ROBO3: variants seen among roughly 807,000 people sequenced by gnomAD.
The protein encoded by ROBO3 is roundabout guidance receptor 3.
ROBO3 carries 97 observed loss-of-function variants against 160.5 expected under a neutral mutation model. The observed-to-expected ratio is 0.60, with a 90% confidence interval of 0.51 to 0.72. The LOEUF (loss-of-function observed/expected upper bound fraction) is 0.72, where lower values mean the gene tolerates loss of function less well. ROBO3 is among the 30% of genes least tolerant of loss of function. The pLI, the probability that ROBO3 is intolerant of heterozygous loss-of-function variation, is 0.00. For synonymous variants in ROBO3, 780 were observed against 746.2 expected, an observed-to-expected ratio of 1.05 and a Z score of -0.74; for missense variants, 1,858 against 1,846.5, an observed-to-expected ratio of 1.01 and a Z score of -0.11.
Position 124,877,524 on chromosome 11 carries a change from C to T in ROBO3, c.2852C>T (p.Pro951Leu). The change falls in exon 20 of 28, where the codon CCC becomes CTC. Residue 951 changes from proline to leucine, a missense_variant. Transcript: ENST00000397801. The stretch of plus-strand genomic sequence containing the variant: ...GCTCACCTGCTCTCCCTCAGGCCAC[C>T]CATGGGCCTTGGCCCCGCCCCCTAC... ...EGLSGASSRP[P>L]MGLGPAPYSW... 1 of 1,601,518 alleles carries T rather than the reference C, an allele frequency of 6.2e-7. No homozygotes were observed. Among genetic ancestry groups the T allele is most frequent in the South Asian group, 1.1e-5 (1 of 88,830 alleles).
At chr11:124,868,304 C>T (rs1196775277) in intron 1 of ROBO3, among the ~76,000 whole-genome samples, 1 of 152,192 alleles carries the variant, frequency 6.6e-6, no homozygotes, top group Non-Finnish European at 1.5e-5. Context: ...GGATCCCAAG[C>T]CAGTCCACAT....
At position 124,869,615 on chromosome 11, in the gene ROBO3, C is replaced by T. The variant is rs775725834; in HGVS notation, c.645+8C>T. On this transcript the variant is annotated splice_region_variant and intron_variant, in intron 3 of 27. Transcript: ENST00000397801. The surrounding 1 kb of genome is among the most constrained non-coding windows in gnomAD (Gnocchi z 4.2). ...GAGGAAGGAAGGATCACGGTGAGGG[C>T]GGGATTATGATTGGAGACCCCAACA... 3.9e-6 allele frequency: 6 copies of T among 1,558,134 alleles called. No individual in the cohort carries two copies. The African/African-American group carries it at 5.4e-5, about 14-fold the overall frequency.
chr11:124,880,599 A>C lies in ROBO3; in HGVS notation c.4140A>C (p.Lys1380Asn). 1 of 1,545,752 alleles carries C rather than the reference A, an allele frequency of 6.5e-7. No homozygotes were observed. The highest frequency in any genetic ancestry group is 1.2e-5 in the South Asian group (1 of 83,802). The stretch of plus-strand genomic sequence containing the variant: ...GCCAGAGCCAAAGGCCAGGACAGAA[A>C]CGCCGAGAGGTAGGGGCCATAGATT... ...SRSQSQRPGQ[K>N]RREEPR The change falls in exon 27 of 28, where the codon AAA becomes AAC. Residue 1380 changes from lysine to asparagine, a missense_variant. Coordinates refer to ENST00000397801, the MANE Select transcript of ROBO3 (RefSeq NM_022370.4).
chr11:124,874,950 T>C (rs199822179), intron 13 of ROBO3, 41 bp downstream of exon 13: 46 of 1,588,950 alleles, frequency 2.9e-5, no homozygotes, highest in Non-Finnish European at 3.8e-5. Flanking sequence ...TGGGGATGAT[T>C]ATGAGGCACA....
chr11:124,871,580 A>G (rs1946280532), intron 7 of ROBO3, among the ~76,000 whole-genome samples: 1 of 152,246 alleles, frequency 6.6e-6, no homozygotes, highest in African/African-American at 2.4e-5. Flanking sequence ...GGACTTTCAC[A>G]AAGGAGAGCT....
Position 124,877,506 on chromosome 11 carries a change from T to A in ROBO3, c.2847-13T>A. 1.9e-6 allele frequency: 3 copies of A among 1,600,916 alleles called. No homozygotes were observed. Among genetic ancestry groups the A allele is most frequent in the Non-Finnish European group, 2.6e-6 (3 of 1,174,010 alleles). On this transcript the variant is annotated splice_polypyrimidine_tract_variant and intron_variant, in intron 19 of 27. Transcript: ENST00000397801. ...AGGCTCTCCGTCCCCAACGCTCACC[T>A]GCTCTCCCTCAGGCCACCCATGGGC...
intron 7 of ROBO3, 121 bp downstream of exon 7, chr11:124,871,259 C>A (rs1283286524): frequency 8.2e-7 from 1 of 1,217,944 alleles, no homozygotes; most frequent in Non-Finnish European, 1.1e-6. Context: ...CCCCCAGAAA[C>A]CCTTGCAGGT....
chr11:124,865,752 C>G lies in ROBO3; in HGVS notation c.160+15C>G, dbSNP rs542446749. ...CTCTCTCAACGGTGAGACCCTGCCT[C>G]TTGGGGATATGGGATCCTGGGATGG... On this transcript the variant is annotated intron_variant, in intron 1 of 27. Transcript: ENST00000397801. This position sits in a 1 kb window ranked among gnomAD's most constrained non-coding sequence, Gnocchi z 5.5. 1 of 1,597,302 alleles carries G rather than the reference C, an allele frequency of 6.3e-7. No homozygotes were observed. Among genetic ancestry groups the G allele is most frequent in the Non-Finnish European group, 8.5e-7 (1 of 1,172,652 alleles).
At chr11:124,879,037 T>G (rs1426021296) in intron 23 of ROBO3, 153 bp from the exon 24 acceptor site, 1 of 915,736 alleles carries the variant, frequency 1.1e-6, no homozygotes, top group Non-Finnish European at 1.6e-6. Context: ...CAGATATGGC[T>G]CTCCTTATGC....
At position 124,868,849 on chromosome 11, in the gene ROBO3, C is replaced by T. The variant is rs772681203; in HGVS notation, c.208C>T (p.Pro70Ser). ...EDAMPRIVEQ[P>S]PDLLVSRGEP... ...CGCTATGCCCCGCATCGTGGAGCAG[C>T]CGCCAGATCTGCTGGTCTCCCGAGG... The change falls in exon 2 of 28, where the codon CCG (proline) becomes TCG (serine). Residue 70 changes from proline to serine, a missense_variant. Pro to Ser is a moderately conservative substitution (Grantham distance 74). Transcript: ENST00000397801. 6.2e-7 allele frequency: 1 copy of T among 1,610,050 alleles called. No homozygotes were observed. Among genetic ancestry groups the T allele is most frequent in the Admixed American group, 1.7e-5 (1 of 59,662 alleles).
intron 1 of ROBO3, 136 bp from the exon 2 acceptor site, chr11:124,868,666 G>A (rs1167978933): frequency 1.0e-5 from 9 of 872,942 alleles, no homozygotes; most frequent in Non-Finnish European, 1.5e-5. Flanking sequence ...AGAGGGAGAG[G>A]GTAGGCAGGT....
rs1032945254 is a variant in ROBO3 at position 124,869,623 on chromosome 11, T to C, written c.645+16T>C. 2 of 1,551,092 alleles carry C rather than the reference T, an allele frequency of 1.3e-6. No individual in the cohort carries two copies. The highest frequency in any genetic ancestry group is 1.7e-6 in the Non-Finnish European group (2 of 1,146,050). ...AAGGATCACGGTGAGGGCGGGATTATGATTGGAGACCCCAACAAGGGAGGG... is the reference window on the plus strand; with the variant it reads ...AAGGATCACGGTGAGGGCGGGATTACGATTGGAGACCCCAACAAGGGAGGG... On this transcript the variant is annotated intron_variant, in intron 3 of 27. Coordinates refer to ENST00000397801, the MANE Select transcript of ROBO3 (RefSeq NM_022370.4). The surrounding 1 kb of genome is among the most constrained non-coding windows in gnomAD (Gnocchi z 4.2).
At position 124,869,215 on chromosome 11, in the gene ROBO3, C is replaced by A. The variant is rs1946245627; in HGVS notation, c.487+87C>A. The stretch of plus-strand genomic sequence containing the variant: ...GGGCAATCAGACCCAGAACCAGCCC[C>A]AAAGGACTTCAGCCCACTCAGCATC... On this transcript the variant is annotated intron_variant, in intron 2 of 27. Coordinates refer to ENST00000397801, the MANE Select transcript of ROBO3 (RefSeq NM_022370.4). The surrounding 1 kb of genome is among the most constrained non-coding windows in gnomAD (Gnocchi z 4.2). 1.0e-5 allele frequency: 14 copies of A among 1,374,614 alleles called. No individual in the cohort carries two copies. In the East Asian group the frequency reaches 3.0e-4, roughly 29 times the overall value. 85.2% of individuals were successfully genotyped at this position (1,374,614 alleles called of 1,614,324 possible).
Position 124,869,073 on chromosome 11 carries a change from G to A in ROBO3, c.432G>A (p.Val144=), listed in dbSNP as rs1310537840. The A allele has an allele frequency of 6.3e-7, 1 of 1,597,882 alleles. No homozygotes were observed. The highest frequency in any genetic ancestry group is 1.1e-5 in the South Asian group (1 of 88,504). Residue 144 remains valine (V), a synonymous_variant, in exon 2 of 28, where the codon GTG becomes GTA. Transcript: ENST00000397801. The surrounding 1 kb of genome is among the most constrained non-coding windows in gnomAD (Gnocchi z 4.2). ...ARPDEGVYTC[V]ARNYLGAAAS... ...CGGACGAAGGTGTCTACACTTGCGT[G>A]GCTCGCAACTACCTGGGGGCAGCAG...
At chr11:124,874,996 G>A (rs751258410) in intron 13 of ROBO3, 87 bp downstream of exon 13, 379 of 1,533,644 alleles carry the variant, frequency 2.5e-4, no homozygotes, top group Non-Finnish European at 3.2e-4. Flanking sequence ...GAGAGTGGGA[G>A]GTGAGTGGCT....
In ROBO3 at chr11:124,876,847, A is replaced by C; in HGVS notation, c.2780-314A>C. 1.8e-6 allele frequency: 1 copy of C among 556,852 alleles called. No individual in the cohort carries two copies. The highest frequency in any genetic ancestry group is 3.2e-6 in the Non-Finnish European group (1 of 312,426). 34.5% of individuals were successfully genotyped at this position (556,852 alleles called of 1,614,324 possible). Reference sequence around the variant, plus strand: ...AATTGTGCGGCGGGGTCTGGATGGAAAGGCGGGGCCCGCTGAAAGAAGGCG... The same window carrying C: ...AATTGTGCGGCGGGGTCTGGATGGACAGGCGGGGCCCGCTGAAAGAAGGCG... On this transcript the variant is annotated intron_variant, in intron 17 of 27. Coordinates refer to ENST00000397801, the MANE Select transcript of ROBO3 (RefSeq NM_022370.4). This position sits in a 1 kb window ranked among gnomAD's most constrained non-coding sequence, Gnocchi z 5.3.
chr11:124,881,011 A>G (rs1356220721), intron 27 of ROBO3, among the ~76,000 whole-genome samples: 1 of 152,128 alleles, frequency 6.6e-6, no homozygotes, highest in East Asian at 1.9e-4. Context: ...CCATGATCAC[A>G]CCACTGCTCT....
chr11:124,869,182 A>T lies in ROBO3; in HGVS notation c.487+54A>T. On this transcript the variant is annotated intron_variant, in intron 2 of 27. Coordinates refer to ENST00000397801, the MANE Select transcript of ROBO3 (RefSeq NM_022370.4). This position sits in a 1 kb window ranked among gnomAD's most constrained non-coding sequence, Gnocchi z 4.2. ...GCTTCCAGAGCCTGGGGTAGGCGGG[A>T]GGGCACTGGGCAATCAGACCCAGAA... The T allele has an allele frequency of 1.4e-6, 2 of 1,479,530 alleles. No homozygotes were observed. Among genetic ancestry groups the T allele is most frequent in the Admixed American group, 2.2e-5 (1 of 46,394 alleles). The allele number at this position is 1,479,530 out of a possible 1,614,324, so 91.7% of individuals were successfully genotyped here.
In ROBO3 at chr11:124,870,704, G is replaced by A; in HGVS notation, c.1009G>A (p.Ala337Thr). 1 of 1,612,256 alleles carries A rather than the reference G, an allele frequency of 6.2e-7. No individual in the cohort carries two copies. Among genetic ancestry groups the A allele is most frequent in the Non-Finnish European group, 8.5e-7 (1 of 1,179,252 alleles). The change falls in exon 6 of 28, where the codon GCA becomes ACA. Residue 337 changes from alanine (A) to threonine (T), a missense_variant. Coordinates refer to ENST00000397801, the MANE Select transcript of ROBO3 (RefSeq NM_022370.4). ...GGAGAACAGTGTGGGCCGCGCTGAAGCATCTGGCTCCCTCAGTGTTCACGG... is the reference window on the plus strand; with the variant it reads ...GGAGAACAGTGTGGGCCGCGCTGAAACATCTGGCTCCCTCAGTGTTCACGG... ...VAENSVGRAE[A>T]SGSLSVHVPP... is the part of the protein sequence containing the mutation.
Sources: allele counts gnomAD v4.1 joint callset (sites outside exome capture counted in the v4.1 genomes callset), GRCh38; gene constraint gnomAD v4.1.1; non-coding constraint Gnocchi (gnomAD v3.1); transcripts MANE v1.5; gene names NCBI Gene and HGNC (gene_info 2026-07-23, HGNC 2026-07-21).